The following IGFBP6 variants were observed in gnomAD, a reference collection of about 807,000 sequenced individuals.
The protein encoded by IGFBP6 is insulin like growth factor binding protein 6.
In IGFBP6, 24 loss-of-function variants were observed where a neutral mutation model predicts 24.5. That is an observed-to-expected ratio of 0.98 (90% confidence interval 0.71 to 1.38). IGFBP6 has a LOEUF of 1.38. Ranked by LOEUF, IGFBP6 falls within the 40% of genes most tolerant of loss-of-function variation. IGFBP6 has a pLI of 0.00. For missense variants in IGFBP6, 331 were observed against 324.8 expected, an observed-to-expected ratio of 1.02 and a Z score of -0.15; for synonymous variants, 147 against 137.4, an observed-to-expected ratio of 1.07 and a Z score of -0.49.
chr12:53,101,096 A>G lies in IGFBP6; in HGVS notation c.536A>G (p.Tyr179Cys), dbSNP rs1217298091. 2 of 1,614,168 alleles carry G rather than the reference A, an allele frequency of 1.2e-6. No homozygotes were observed. Among genetic ancestry groups the G allele is most frequent in the Non-Finnish European group, 1.7e-6 (2 of 1,180,034 alleles). ...CTGCAGCAACTCCAGACTGAGGTCT[A>G]CCGAGGGGCTCAAACACTCTACGTG... ...SVLQQLQTEV[Y>C]RGAQTLYVPN... Residue 179 changes from tyrosine to cysteine, a missense_variant, in exon 3 of 4, where the codon TAC (tyrosine) becomes TGC (cysteine). Physicochemically the swap from Tyr to Cys is radical, Grantham distance 194 (BLOSUM62 -2). Coordinates refer to ENST00000301464, the MANE Select transcript of IGFBP6 (RefSeq NM_002178.3).
intron 1 of IGFBP6, chr12:53,098,774 G>C (rs1484627331): frequency 6.6e-6 from 1 of 152,482 alleles, no homozygotes; most frequent in African/African-American, 2.4e-5. Flanking sequence ...TCACTGGGTG[G>C]GTGGGACAGA....
At chr12:53,101,972 C>T in intron 3 of IGFBP6, 73 bp from the exon 4 acceptor site, 2 of 1,321,752 alleles carry the variant, frequency 1.5e-6, no homozygotes, top group Admixed American at 2.1e-5. Context: ...CATCCTCAGA[C>T]TCAGATGTCC....
At chr12:53,101,987 TCA>T in intron 3 of IGFBP6, 56 bp from the exon 4 acceptor site, 1 of 1,482,616 alleles carries the variant, frequency 6.7e-7, no homozygotes, top group Non-Finnish European at 9.1e-7. Context: ...ATGTCCCCTC[TCA>T]TTCTCCTGCT....
At chr12:53,101,214 T>G in intron 3 of IGFBP6, 54 bp downstream of exon 3, 1 of 1,594,168 alleles carries the variant, frequency 6.3e-7, no homozygotes, top group Non-Finnish European at 8.6e-7. Context: ...TGCCAGGGAG[T>G]GGGGGCGGTG....
chr12:53,100,741 C>A lies in IGFBP6; in HGVS notation c.364C>A (p.Pro122Thr). ...AGAGGAGAATCCTAAGGAGAGTAAA[C>A]CCCAAGCAGGCACTGCCCGCCCACA... ...VAEENPKESK[P>T]QAGTARPQDV... Residue 122 changes from proline to threonine, a missense_variant, in exon 2 of 4, where the codon CCC becomes ACC. Transcript: ENST00000301464. 1 of 1,614,148 alleles carries A rather than the reference C, an allele frequency of 6.2e-7. No individual in the cohort carries two copies. Among genetic ancestry groups the A allele is most frequent in the Non-Finnish European group, 8.5e-7 (1 of 1,180,038 alleles).
Position 53,097,832 on chromosome 12 carries a change from G to T in IGFBP6, c.115G>T (p.Gly39Cys), listed in dbSNP as rs940728756. Residue 39 changes from glycine to cysteine, a missense_variant, in exon 1 of 4, where the codon GGT (glycine) becomes TGT (cysteine). Transcript: ENST00000301464. ...CPGCGQGVQAGCPGGCVEEED... is the reference protein window; with the variant it reads ...CPGCGQGVQACCPGGCVEEED... ...AGGCTGCGGGCAAGGGGTGCAGGCG[G>T]GTTGTCCAGGGGGCTGCGTGGAGGA... The T allele has an allele frequency of 2.6e-6, 4 of 1,536,670 alleles. No homozygotes were observed. Among genetic ancestry groups the T allele is most frequent in the South Asian group, 2.4e-5 (2 of 83,064 alleles).
At chr12:53,100,585 G>T (rs1304234647) in intron 1 of IGFBP6, 127 bp from the exon 2 acceptor site, 5 of 804,460 alleles carry the variant, frequency 6.2e-6, no homozygotes, top group Non-Finnish European at 1.0e-5. Context: ...AGAAACTAGG[G>T]CCAGCATCAT....
Position 53,097,750 on chromosome 12 carries a change from G to A in IGFBP6, c.33G>A (p.Leu11=). 6.5e-7 allele frequency: 1 copy of A among 1,545,518 alleles called. No homozygotes were observed. The highest frequency in any genetic ancestry group is 2.5e-5 in the East Asian group (1 of 40,760). MTPHRLLPPL[L]LLLALLLAAS... ...CCCACAGGCTGCTGCCACCGCTGCT[G>A]CTGCTGCTAGCTCTGCTGCTCGCTG... The change falls in exon 1 of 4, where the codon CTG becomes CTA. Residue 11 remains leucine, a synonymous_variant. Coordinates refer to ENST00000301464, the MANE Select transcript of IGFBP6 (RefSeq NM_002178.3).
Position 53,101,127 on chromosome 12 carries a change from T to C in IGFBP6, c.567T>C (p.Asn189=), listed in dbSNP as rs761305388. The stretch of plus-strand genomic sequence containing the variant: ...GGGCTCAAACACTCTACGTGCCCAA[T>C]TGTGACCATCGAGGCTTCTACCGGA... The part of the protein sequence containing the change: ...YRGAQTLYVP[N]CDHRGFYRKR... The change falls in exon 3 of 4, where the codon AAT becomes AAC. Residue 189 remains asparagine (N), a synonymous_variant. Transcript: ENST00000301464. The C allele has an allele frequency of 6.8e-6, 11 of 1,614,070 alleles. No homozygotes were observed. Among genetic ancestry groups the C allele is most frequent in the Middle Eastern group, 1.6e-4 (1 of 6,084 alleles).
intron 3 of IGFBP6, among the ~76,000 whole-genome samples, chr12:53,101,609 G>A (rs1043371020): frequency 6.6e-6 from 1 of 152,100 alleles, no homozygotes; most frequent in Non-Finnish European, 1.5e-5. Flanking sequence ...CTAAAGAGAG[G>A]GAACACTGGG....
Position 53,100,867 on chromosome 12 carries a change from G to T in IGFBP6, c.480+10G>T, listed in dbSNP as rs141797123. 6.2e-6 allele frequency: 10 copies of T among 1,614,062 alleles called. No individual in the cohort carries two copies. Among genetic ancestry groups the T allele is most frequent in the Non-Finnish European group, 7.6e-6 (9 of 1,180,022 alleles). ...CCAAGACACTGAGATGGTGCGTTTG[G>T]AGCTGGTAGGGAGCAGGAGGGGTGG... On this transcript the variant is annotated intron_variant, in intron 2 of 3. Transcript: ENST00000301464.
At chr12:53,099,068 T>G in intron 1 of IGFBP6, 1 of 239,932 alleles carries the variant, frequency 4.2e-6, no homozygotes, top group Non-Finnish European at 8.8e-6. Context: ...GGAAGAAGGA[T>G]CAGACTCAGG....
chr12:53,097,702 G>C lies in IGFBP6; in HGVS notation c.-16G>C. Reference sequence around the variant, plus strand: ...CGACTGCTCTGGAAGGAGAGGACGGGGCACAAACCCTGACCATGACCCCCC... The same window carrying C: ...CGACTGCTCTGGAAGGAGAGGACGGCGCACAAACCCTGACCATGACCCCCC... On this transcript the variant is annotated 5_prime_UTR_variant, in exon 1 of 4. Transcript: ENST00000301464. 1 of 1,541,574 alleles carries C rather than the reference G, an allele frequency of 6.5e-7. No individual in the cohort carries two copies. The highest frequency in any genetic ancestry group is 8.7e-7 in the Non-Finnish European group (1 of 1,145,838).
At chr12:53,099,596 A>G (rs1937793926) in intron 1 of IGFBP6, among the ~76,000 whole-genome samples, 1 of 152,074 alleles carries the variant, frequency 6.6e-6, no homozygotes, top group Non-Finnish European at 1.5e-5. Context: ...CTTCTGCCCC[A>G]GCTCTCCGGC....
chr12:53,099,658 A>G (rs938198843), intron 1 of IGFBP6, among the ~76,000 whole-genome samples: 1 of 152,128 alleles, frequency 6.6e-6, no homozygotes, highest in African/African-American at 2.4e-5. Context: ...TTTTCACCCA[A>G]AGCCCAAAGC....
At chr12:53,099,901 G>T (rs192327759) in intron 1 of IGFBP6, among the ~76,000 whole-genome samples, 20 of 151,694 alleles carry the variant, frequency 1.3e-4, no homozygotes, top group African/African-American at 4.6e-4. Context: ...TCACTCTGTT[G>T]CCCAGGCTGG....
chr12:53,101,598 A>G (rs1188765637), intron 3 of IGFBP6, among the ~76,000 whole-genome samples: 3 of 152,114 alleles, frequency 2.0e-5, no homozygotes, highest in Admixed American at 6.5e-5. Flanking sequence ...AAGAGGGGGA[A>G]CTAAAGAGAG....
At chr12:53,100,272 G>A (rs1008167441) in intron 1 of IGFBP6, among the ~76,000 whole-genome samples, 5 of 152,148 alleles carry the variant, frequency 3.3e-5, no homozygotes, top group African/African-American at 1.2e-4. Context: ...CAGTCCTCCT[G>A]CCTCAGCCTC....
Position 53,102,211 on chromosome 12 carries a change from G to C in IGFBP6, c.*44G>C. ...CTGCAGGGCCACTGGAAGGAACATG[G>C]AGCTGTCATCACTCAACAAAAAACC... On this transcript the variant is annotated 3_prime_UTR_variant, in exon 4 of 4. Transcript: ENST00000301464. The C allele has an allele frequency of 6.2e-7, 1 of 1,608,810 alleles. No individual in the cohort carries two copies. Among genetic ancestry groups the C allele is most frequent in the Non-Finnish European group, 8.5e-7 (1 of 1,177,888 alleles).
Sources: gnomAD v4.1 joint callset for allele counts (sites outside exome capture counted in the v4.1 genomes callset) on GRCh38, gnomAD v4.1.1 for gene constraint, MANE v1.5 for transcripts, NCBI Gene and HGNC (gene_info 2026-07-23, HGNC 2026-07-21) for gene names.